Variants in ERGIC1 observed in about 807,000 individuals in gnomAD.
ERGIC1 encodes the protein endoplasmic reticulum-golgi intermediate compartment 1, also known as endoplasmic reticulum-Golgi intermediate compartment protein 1.
Under a neutral mutation model 38.3 loss-of-function variants are expected in ERGIC1, and 19 were observed. That is an observed-to-expected ratio of 0.50 (90% CI 0.35 to 0.73). The LOEUF (loss-of-function observed/expected upper bound fraction) is 0.73. Ranked by LOEUF, ERGIC1 falls within the 30% of genes least tolerant of loss-of-function variation. ERGIC1 has a pLI of 0.01. For missense variants in ERGIC1, 294 were observed against 389.2 expected, an observed-to-expected ratio of 0.76 and a Z score of 2.06; for synonymous variants, 124 against 157.6, an observed-to-expected ratio of 0.79 and a Z score of 1.60.
At position 172,834,580 on chromosome 5, in the gene ERGIC1, GCC is replaced by G. The variant is rs68060196; in HGVS notation, c.20+155_20+156del. 1.7e-3 allele frequency: 929 copies of G among 534,992 alleles called. 21 individuals are homozygous for G. The African/African-American group carries it at 0.019, about 11-fold the overall frequency. 33.1% of individuals were successfully genotyped at this position (534,992 alleles called of 1,614,324 possible). A position where few individuals can be genotyped will look rare whatever the true frequency, so the allele number is the denominator to read the frequency against. ...GCAGGCCCCTAGGGACCCCAGGCGAGCCCCCCCCCTGCCGCACACGAAGCCAG... is the reference window on the plus strand; with the variant it reads ...GCAGGCCCCTAGGGACCCCAGGCGAGCCCCCCCTGCCGCACACGAAGCCAG... On this transcript the variant is annotated intron_variant, in intron 1 of 9. Transcript: ENST00000393784. The surrounding 1 kb of genome is among the most constrained non-coding windows in gnomAD (Gnocchi z 4.1).
At chr5:172,949,232 CAGGT>C (rs1257259426) in intron 9 of ERGIC1, among the ~76,000 whole-genome samples, 1 of 152,102 alleles carries the variant, frequency 6.6e-6, no homozygotes, top group Non-Finnish European at 1.5e-5. Flanking sequence ...GTGATTCAAT[CAGGT>C]GGGTGTTTTG....
rs1191189327 is a variant in ERGIC1, at chr5:172,893,868, GATATATATATATATATATAT to G, written c.83-3115_83-3096del. Among the ~76,000 whole-genome samples the G allele has an allele frequency of 1.9e-3, 54 of 28,256 alleles. 1 individual carries two copies. The highest frequency in any genetic ancestry group is 3.8e-3 in the African/African-American group (51 of 13,518). 18.5% of individuals were successfully genotyped at this position (28,256 alleles called of 152,430 possible). ...CATTACGCTGCTGTTCACTTAGGGG[GATATATATATATATATATAT>G]ATATATATATATATATATGTGTGTG... On this transcript the variant is annotated intron_variant, in intron 2 of 9. Coordinates refer to ENST00000393784, the MANE Select transcript of ERGIC1 (RefSeq NM_001031711.3).
intron 1 of ERGIC1, among the ~76,000 whole-genome samples, chr5:172,887,331 G>A (rs1762448874): frequency 6.6e-6 from 1 of 152,210 alleles, no homozygotes; most frequent in South Asian, 2.1e-4. Flanking sequence ...ACTCTGCTGT[G>A]GGAGAACTGT....
At chr5:172,871,402 A>G (rs902225579) in intron 1 of ERGIC1, among the ~76,000 whole-genome samples, 2 of 152,180 alleles carry the variant, frequency 1.3e-5, no homozygotes, top group African/African-American at 4.8e-5. Flanking sequence ...GTCTCACTTA[A>G]TTCCGATCTC....
intron 3 of ERGIC1, chr5:172,897,705 C>A (rs1762757394): frequency 2.4e-6 from 1 of 412,156 alleles, no homozygotes; most frequent in Non-Finnish European, 4.4e-6. Flanking sequence ...CCCTCTGAAT[C>A]ATCACAGGGT....
chr5:172,867,001 AGATGATGCAGATGGAGAT>A (rs1554107904), intron 1 of ERGIC1: 9 of 360,832 alleles, frequency 2.5e-5, no homozygotes, highest in South Asian at 1.4e-4. Context: ...ATGCAGATGG[AGATGATGCAGATGGAGAT>A]GATGATGCAG....
At chr5:172,943,027 G>C (rs910134332) in intron 9 of ERGIC1, among the ~76,000 whole-genome samples, 1 of 152,142 alleles carries the variant, frequency 6.6e-6, no homozygotes, top group Non-Finnish European at 1.5e-5. Context: ...GCCCTTTGCA[G>C]CCTCCCAAAC....
chr5:172,893,911 GTGTGTGTGTGTGTGT>G lies in ERGIC1; in HGVS notation c.83-3090_83-3076del, dbSNP rs1381642931. Reference sequence around the variant, plus strand: ...TATATATATATATATATATATGTGTGTGTGTGTGTGTGTGTGTGTGTGTGTATATATATATATATA... The same window carrying G: ...TATATATATATATATATATATGTGTGGTGTGTGTGTATATATATATATATA... On this transcript the variant is annotated intron_variant, in intron 2 of 9. Coordinates refer to ENST00000393784, the MANE Select transcript of ERGIC1 (RefSeq NM_001031711.3). 9.9e-3 allele frequency among the ~76,000 whole-genome samples: 347 copies of G among 35,082 alleles called. 16 individuals are homozygous for G. Among genetic ancestry groups the G allele is most frequent in the African/African-American group, 0.036 (339 of 9,464 alleles). The allele number at this position is 35,082 out of a possible 152,430, so 23.0% of individuals were successfully genotyped here. A position where few individuals can be genotyped will look rare whatever the true frequency, so the allele number is the denominator to read the frequency against.
chr5:172,864,145 T>C (rs1286614647), intron 1 of ERGIC1, among the ~76,000 whole-genome samples: 1 of 150,186 alleles, frequency 6.7e-6, no homozygotes, highest in Non-Finnish European at 1.5e-5. Flanking sequence ...TGTAGTGAGC[T>C]GAGATCACGC....
rs7721475 is a variant in ERGIC1, at chr5:172,926,760, T to C, written c.541+191T>C. 226,646 of 609,206 alleles carry C rather than the reference T, an allele frequency of 0.37. 44,598 individuals carry two copies. The highest frequency in any genetic ancestry group is 0.49 in the African/African-American group (26,296 of 54,016). The allele number at this position is 609,206 out of a possible 1,614,324, so 37.7% of individuals were successfully genotyped here. A position where few individuals can be genotyped will look rare whatever the true frequency, so the allele number is the denominator to read the frequency against. On this transcript the variant is annotated intron_variant, in intron 7 of 9. Transcript: ENST00000393784. The surrounding 1 kb of genome is among the most constrained non-coding windows in gnomAD (Gnocchi z 5.2). ...AGCCCCGTCCAGACCCAGACCCTGA[T>C]GGAGAAGGAAGAAGGCTTGTCCCGG... is the stretch of plus-strand genomic sequence containing the variant.
chr5:172,919,927 G>A (rs1015805110), intron 5 of ERGIC1, among the ~76,000 whole-genome samples: 1 of 152,174 alleles, frequency 6.6e-6, no homozygotes, highest in Non-Finnish European at 1.5e-5. Flanking sequence ...TTCTTACCCA[G>A]CCCTTTCCAC....
intron 3 of ERGIC1, among the ~76,000 whole-genome samples, chr5:172,908,309 G>GC (rs1763093078): frequency 8.2e-5 from 3 of 36,748 alleles, no homozygotes; most frequent in African/African-American, 1.2e-4. Flanking sequence ...GCGGGGGCGG[G>GC]GGGGGGGGGA....
intron 3 of ERGIC1, among the ~76,000 whole-genome samples, chr5:172,904,054 C>T (rs34839124): frequency 0.44 from 67,241 of 152,050 alleles, 15,267 homozygotes; most frequent in Non-Finnish European, 0.49. Flanking sequence ...ACAGCTTGAC[C>T]TGGCAGTCAT....
intron 9 of ERGIC1, among the ~76,000 whole-genome samples, chr5:172,944,817 C>T (rs1764085405): frequency 6.6e-6 from 1 of 152,210 alleles, no homozygotes; most frequent in Admixed American, 6.5e-5. Context: ...GGCACAGCAA[C>T]TTAGTGGAGA....
chr5:172,852,762 A>G (rs1285200195), intron 1 of ERGIC1, among the ~76,000 whole-genome samples: 2 of 152,254 alleles, frequency 1.3e-5, no homozygotes, highest in Non-Finnish European at 2.9e-5. Flanking sequence ...CCTGGGGGAC[A>G]GTAGAGTTTC....
chr5:172,942,727 G>T (rs972799142), intron 9 of ERGIC1, among the ~76,000 whole-genome samples: 1 of 152,218 alleles, frequency 6.6e-6, no homozygotes, highest in Non-Finnish European at 1.5e-5. Context: ...GGTCTGTACA[G>T]AGAGGGGCCT....
intron 1 of ERGIC1, among the ~76,000 whole-genome samples, chr5:172,884,241 C>T (rs906474972): frequency 2.3e-5 from 3 of 132,600 alleles, no homozygotes; most frequent in African/African-American, 8.4e-5. Flanking sequence ...GTGGGAACCC[C>T]AAGTTTTTTT....
chr5:172,922,555 G>A (rs2113447932), intron 5 of ERGIC1: 1 of 152,594 alleles, frequency 6.6e-6, no homozygotes, highest in South Asian at 2.1e-4. Context: ...GGGTCCGAGG[G>A]AGGGCCATGT....
In ERGIC1 at chr5:172,866,508, C is replaced by A. The variant is rs73803649; in HGVS notation, c.21-22191C>A. ...GAAAATGCTTGTGGTCCTCCATGTA[C>A]CCTACACCCTGCAGCTGCGTCACAG... On this transcript the variant is annotated intron_variant, in intron 1 of 9. Coordinates refer to ENST00000393784, the MANE Select transcript of ERGIC1 (RefSeq NM_001031711.3). Among the ~76,000 whole-genome samples, 568 of 152,336 alleles carry A rather than the reference C, an allele frequency of 3.7e-3. 4 individuals carry two copies. Among genetic ancestry groups the A allele is most frequent in the African/African-American group, 0.013 (556 of 41,572 alleles).
Sources: gnomAD v4.1 joint callset for allele counts (sites outside exome capture counted in the v4.1 genomes callset) on GRCh38, gnomAD v4.1.1 for gene constraint, Gnocchi (gnomAD v3.1) non-coding constraint, MANE v1.5 for transcripts, NCBI Gene and HGNC (gene_info 2026-07-23, HGNC 2026-07-21) for gene names.